Variants in PTPN12 observed in about 807,000 individuals in gnomAD.
PTPN12 encodes tyrosine-protein phosphatase non-receptor type 12.
A neutral mutation model predicts 97.6 loss-of-function variants in PTPN12; 29 were observed. The observed-to-expected ratio is 0.30, with a 90% CI of 0.22 to 0.41. The LOEUF (loss-of-function observed/expected upper bound fraction) is 0.41. PTPN12 is among the 10% of genes least tolerant of loss of function. The pLI, the probability that PTPN12 is intolerant of heterozygous loss-of-function variation, is 1.00. For synonymous variants in PTPN12, 327 were observed against 300.4 expected (o/e 1.09, Z -0.91); for missense variants, 819 against 926.0 (o/e 0.88, Z 1.50).
chr7:77,605,169 C>T (rs10279831), intron 8 of PTPN12, among the ~76,000 whole-genome samples: 2 of 151,972 alleles, frequency 1.3e-5, no homozygotes, highest in Non-Finnish European at 2.9e-5. Flanking sequence ...AAAAATCTTT[C>T]TAGGTTGTTT....
intron 5 of PTPN12, among the ~76,000 whole-genome samples, chr7:77,589,270 T>TA (rs1013262674): frequency 6.6e-6 from 1 of 152,210 alleles, no homozygotes; most frequent in African/African-American, 2.4e-5. Flanking sequence ...GATAATTTCT[T>TA]ACCCTGATTT....
At chr7:77,589,182 G>C (rs1431126375) in intron 5 of PTPN12, among the ~76,000 whole-genome samples, 1 of 152,058 alleles carries the variant, frequency 6.6e-6, no homozygotes, top group Non-Finnish European at 1.5e-5. Flanking sequence ...CACCGCACCA[G>C]GCCTGAATAT....
intron 8 of PTPN12, among the ~76,000 whole-genome samples, chr7:77,602,812 C>A (rs1264097253): frequency 6.6e-6 from 1 of 152,134 alleles, no homozygotes; most frequent in Non-Finnish European, 1.5e-5. Flanking sequence ...AGTCATAGTA[C>A]TTACTTCATA....
chr7:77,578,143 G>A (rs1487889944), intron 2 of PTPN12, among the ~76,000 whole-genome samples: 3 of 152,152 alleles, frequency 2.0e-5, no homozygotes, highest in South Asian at 2.1e-4. Flanking sequence ...GGACCCAGTG[G>A]TAAACCAGCT....
chr7:77,597,962 T>A (rs1788073101), intron 7 of PTPN12, 61 bp downstream of exon 7: 1 of 1,581,120 alleles, frequency 6.3e-7, no homozygotes. Context: ...GTGCAGTGGC[T>A]CATGCCTGTA....
chr7:77,626,870 A>G lies in PTPN12; in HGVS notation c.1191A>G (p.Ser397=). Residue 397 remains serine, a synonymous_variant, in exon 13 of 18, where the codon TCA becomes TCG. Coordinates refer to ENST00000248594, the MANE Select transcript of PTPN12 (RefSeq NM_002835.4). ...CAAAGCCAGTGTTGCATATGGTTTC[A>G]TCAGAACAACATTCAGCAGACCTCA... is the stretch of plus-strand genomic sequence containing the variant. ...YHPKPVLHMV[S]SEQHSADLNR... 6.2e-7 allele frequency: 1 copy of G among 1,613,556 alleles called. No homozygotes were observed. Among genetic ancestry groups the G allele is most frequent in the Non-Finnish European group, 8.5e-7 (1 of 1,179,466 alleles).
At chr7:77,611,142 A>G in intron 11 of PTPN12, 96 bp downstream of exon 11, 2 of 912,614 alleles carry the variant, frequency 2.2e-6, no homozygotes, top group Admixed American at 4.4e-5. Flanking sequence ...TTTGTCTAAC[A>G]TGAGAAGAAT....
At chr7:77,554,885 A>T (rs1346986302) in intron 1 of PTPN12, among the ~76,000 whole-genome samples, 1 of 152,044 alleles carries the variant, frequency 6.6e-6, no homozygotes, top group East Asian at 1.9e-4. Context: ...ACGAGGTCTC[A>T]CTGTGTTGCC....
At chr7:77,537,855 C>T (rs1206456431) in intron 1 of PTPN12, among the ~76,000 whole-genome samples, 1 of 152,006 alleles carries the variant, frequency 6.6e-6, no homozygotes, top group South Asian at 2.1e-4. Context: ...ATGTTCGCGA[C>T]CCCCGCGCGG....
At chr7:77,622,069 C>G (rs1788959041) in intron 12 of PTPN12, among the ~76,000 whole-genome samples, 1 of 152,172 alleles carries the variant, frequency 6.6e-6, no homozygotes, top group African/African-American at 2.4e-5. Flanking sequence ...AACCTCCCAC[C>G]CTAGACTCCC....
intron 1 of PTPN12, among the ~76,000 whole-genome samples, chr7:77,560,566 C>T (rs577850975): frequency 6.6e-6 from 1 of 152,296 alleles, no homozygotes; most frequent in East Asian, 1.9e-4. Flanking sequence ...CCTCCTTCCT[C>T]CAACCTGTAG....
chr7:77,556,688 A>T (rs1807727363), intron 1 of PTPN12, among the ~76,000 whole-genome samples: 1 of 151,862 alleles, frequency 6.6e-6, no homozygotes, highest in Non-Finnish European at 1.5e-5. Flanking sequence ...TCTCTAATAA[A>T]AATTAGCTGA....
At chr7:77,599,773 A>G in intron 7 of PTPN12, among the ~76,000 whole-genome samples, 1 of 152,206 alleles carries the variant, frequency 6.6e-6, no homozygotes, top group Non-Finnish European at 1.5e-5. Context: ...TTATTTAGGA[A>G]ATGGCCAAAG....
chr7:77,593,709 C>A (rs1445823329), intron 6 of PTPN12, among the ~76,000 whole-genome samples: 1 of 152,224 alleles, frequency 6.6e-6, no homozygotes, highest in African/African-American at 2.4e-5. Flanking sequence ...CAGAGACTAC[C>A]AGTTTAAATG....
chr7:77,586,424 A>G (rs1002581947), intron 5 of PTPN12, among the ~76,000 whole-genome samples: 1 of 152,154 alleles, frequency 6.6e-6, no homozygotes, highest in Non-Finnish European at 1.5e-5. Flanking sequence ...AATTTTTGAT[A>G]AAATACAAGA....
chr7:77,564,773 T>TTTTTTTTG, intron 1 of PTPN12, among the ~76,000 whole-genome samples: 1 of 127,018 alleles, frequency 7.9e-6, no homozygotes, highest in Non-Finnish European at 1.6e-5. Context: ...TTTTTTTTTT[T>TTTTTTTTG]TTTGAGACGG....
chr7:77,570,249 A>G (rs764989065), intron 1 of PTPN12, among the ~76,000 whole-genome samples: 2 of 152,236 alleles, frequency 1.3e-5, no homozygotes, highest in Admixed American at 6.5e-5. Flanking sequence ...TATCAGTATC[A>G]CAAGTAGCAA....
At chr7:77,583,265 T>C (rs189752308) in intron 3 of PTPN12, among the ~76,000 whole-genome samples, 1 of 152,308 alleles carries the variant, frequency 6.6e-6, no homozygotes, top group East Asian at 1.9e-4. Flanking sequence ...ATTAGGGCTT[T>C]TGTTATTAAT....
rs1789696687 is a variant in PTPN12 at position 77,638,745 on chromosome 7, T to A, written c.2281+14T>A. The A allele has an allele frequency of 1.3e-6, 2 of 1,589,962 alleles. No individual in the cohort carries two copies. The highest frequency in any genetic ancestry group is 1.7e-6 in the Non-Finnish European group (2 of 1,172,772). Reference sequence around the variant, plus strand: ...CCACAGATATTGGTAATTTGTTTAATAAATAATTTTTAGTAAGTAGTTAAC... The same window carrying A: ...CCACAGATATTGGTAATTTGTTTAAAAAATAATTTTTAGTAAGTAGTTAAC... On this transcript the variant is annotated intron_variant, in intron 17 of 17. Transcript: ENST00000248594.
Sources: allele counts gnomAD v4.1 joint callset (sites outside exome capture counted in the v4.1 genomes callset), GRCh38; gene constraint gnomAD v4.1.1; transcripts MANE v1.5; gene names NCBI Gene and HGNC (gene_info 2026-07-23, HGNC 2026-07-21).